The following NTRK2 variants were observed in gnomAD, a reference collection of about 807,000 sequenced individuals.
The protein encoded by NTRK2 is neurotrophic receptor tyrosine kinase 2.
Under a neutral mutation model 94.5 loss-of-function variants are expected in NTRK2, and 13 were observed. The ratio of observed to expected loss-of-function variants is 0.14; its 90% CI spans 0.09 to 0.22. The LOEUF (loss-of-function observed/expected upper bound fraction) is 0.22. NTRK2 is among the 10% of genes least tolerant of loss of function. The pLI is 1.00. For synonymous variants in NTRK2, 372 were observed against 407.4 expected, an observed-to-expected ratio of 0.91 and a Z score of 1.05; for missense variants, 639 against 1,071.2, an observed-to-expected ratio of 0.60 and a Z score of 5.63.
chr9:84,672,783 C>T (rs2058778995), intron 2 of NTRK2, among the ~76,000 whole-genome samples: 2 of 152,180 alleles, frequency 1.3e-5, no homozygotes, highest in Non-Finnish European at 2.9e-5. Context: ...CTGATCTTAG[C>T]TGCCTGATGT....
At chr9:85,010,028 T>C (rs1053272674) in intron 17 of NTRK2, among the ~76,000 whole-genome samples, 1 of 152,216 alleles carries the variant, frequency 6.6e-6, no homozygotes, top group African/African-American at 2.4e-5. Flanking sequence ...GAAGCTGGGA[T>C]TGATGGTGGG....
chr9:84,683,965 G>A (rs2059550277), intron 2 of NTRK2, among the ~76,000 whole-genome samples: 1 of 151,962 alleles, frequency 6.6e-6, no homozygotes, highest in African/African-American at 2.4e-5. Context: ...ATGAGCTTTG[G>A]TTCATCTGTT....
intron 9 of NTRK2, among the ~76,000 whole-genome samples, chr9:84,734,671 G>A (rs1040953624): frequency 6.6e-5 from 10 of 152,098 alleles, no homozygotes; most frequent in African/African-American, 2.4e-4. Context: ...TTTGATGAAA[G>A]GAAGTTCCCC....
intron 12 of NTRK2, among the ~76,000 whole-genome samples, chr9:84,799,047 T>A (rs1408522735): frequency 6.6e-6 from 1 of 151,820 alleles, no homozygotes; most frequent in Admixed American, 6.6e-5. Flanking sequence ...GTCATTTGGG[T>A]ATTCCACCTT....
At chr9:84,878,549 G>A (rs746530674) in intron 14 of NTRK2, among the ~76,000 whole-genome samples, 1 of 151,338 alleles carries the variant, frequency 6.6e-6, no homozygotes, top group African/African-American at 2.4e-5. Context: ...CAGGAGAATC[G>A]CTTGAACCCA....
intron 14 of NTRK2, among the ~76,000 whole-genome samples, chr9:84,889,145 C>T (rs902545776): frequency 9.0e-4 from 135 of 149,640 alleles, no homozygotes; most frequent in African/African-American, 3.2e-3. Context: ...CGCCCGCTAC[C>T]ACGCCCGGCT....
intron 14 of NTRK2, among the ~76,000 whole-genome samples, chr9:84,931,024 T>C (rs1405390567): frequency 6.6e-6 from 1 of 152,196 alleles, no homozygotes; most frequent in African/African-American, 2.4e-5. Flanking sequence ...CAGATATTTA[T>C]AAATCACCAA....
intron 17 of NTRK2, among the ~76,000 whole-genome samples, chr9:84,970,377 AT>A (rs1325554144): frequency 2.2e-4 from 34 of 152,174 alleles, no homozygotes; most frequent in African/African-American, 7.9e-4. Flanking sequence ...AAATAAAAAA[AT>A]AAAAAATAAA....
At chr9:84,888,078 T>C (rs1419181894) in intron 14 of NTRK2, among the ~76,000 whole-genome samples, 1 of 152,140 alleles carries the variant, frequency 6.6e-6, no homozygotes, top group Non-Finnish European at 1.5e-5. Flanking sequence ...GTATTTTTTT[T>C]CCACATAGTT....
chr9:84,818,449 C>T (rs2072564940), intron 12 of NTRK2, among the ~76,000 whole-genome samples: 1 of 152,192 alleles, frequency 6.6e-6, no homozygotes, highest in Non-Finnish European at 1.5e-5. Flanking sequence ...TGGAGAGGCA[C>T]CCCTTGATCC....
At chr9:84,865,877 G>A (rs145628714) in intron 13 of NTRK2, among the ~76,000 whole-genome samples, 1 of 152,296 alleles carries the variant, frequency 6.6e-6, no homozygotes, top group East Asian at 1.9e-4. Context: ...AGCCACTGCC[G>A]TCTTCGTTGG....
intron 14 of NTRK2, among the ~76,000 whole-genome samples, chr9:84,921,834 A>G (rs2077577069): frequency 6.6e-6 from 1 of 152,240 alleles, no homozygotes; most frequent in African/African-American, 2.4e-5. Context: ...CATTAGAGTT[A>G]TGGACATAAT....
At chr9:84,917,097 G>A (rs914160224) in intron 14 of NTRK2, among the ~76,000 whole-genome samples, 1 of 152,100 alleles carries the variant, frequency 6.6e-6, no homozygotes, top group Admixed American at 6.5e-5. Context: ...AAATGAGCCT[G>A]CTGTTTGGCT....
intron 14 of NTRK2, among the ~76,000 whole-genome samples, chr9:84,928,328 G>A (rs2077894652): frequency 6.6e-6 from 1 of 152,174 alleles, no homozygotes; most frequent in African/African-American, 2.4e-5. Flanking sequence ...TCAAGTTCAA[G>A]CATTTTTTGA....
intron 2 of NTRK2, among the ~76,000 whole-genome samples, chr9:84,690,176 A>C (rs2059961379): frequency 6.6e-6 from 1 of 152,218 alleles, no homozygotes; most frequent in Admixed American, 6.5e-5. Flanking sequence ...AGCCTATAAA[A>C]GTTGGCTGAA....
At chr9:84,771,036 A>G (rs1021147332) in intron 12 of NTRK2, among the ~76,000 whole-genome samples, 4 of 152,250 alleles carry the variant, frequency 2.6e-5, no homozygotes, top group Non-Finnish European at 5.9e-5. Flanking sequence ...GATAAAATAC[A>G]TTAGAAAATG....
intron 12 of NTRK2, among the ~76,000 whole-genome samples, chr9:84,838,905 T>A (rs1239362557): frequency 1.3e-5 from 2 of 152,186 alleles, no homozygotes; most frequent in East Asian, 3.8e-4. Flanking sequence ...AATGATTTTT[T>A]TTTTTTACAA....
chr9:84,781,866 G>A (rs1176577687), intron 12 of NTRK2, among the ~76,000 whole-genome samples: 2 of 152,020 alleles, frequency 1.3e-5, no homozygotes, highest in Middle Eastern at 3.2e-3. Flanking sequence ...TTTCTCTAGC[G>A]TCTTTCTTTT....
At chr9:84,779,666 C>T (rs891154446) in intron 12 of NTRK2, among the ~76,000 whole-genome samples, 2 of 152,124 alleles carry the variant, frequency 1.3e-5, no homozygotes, top group African/African-American at 2.4e-5. Context: ...GACACAAGAA[C>T]ATCACAGTAG....
Sources: gnomAD v4.1 joint callset for allele counts (sites outside exome capture counted in the v4.1 genomes callset) on GRCh38, gnomAD v4.1.1 for gene constraint, MANE v1.5 for transcripts, NCBI Gene and HGNC (gene_info 2026-07-23, HGNC 2026-07-21) for gene names.